The following MTSS1 variants were observed in gnomAD, a reference collection of about 807,000 sequenced individuals.
The protein encoded by MTSS1 is MTSS I-BAR domain containing 1, also known as protein MTSS 1.
Under a neutral mutation model 79.0 loss-of-function variants are expected in MTSS1, and 18 were observed. The ratio of observed to expected loss-of-function variants is 0.23; its 90% CI spans 0.16 to 0.34. The LOEUF (loss-of-function observed/expected upper bound fraction) is 0.34, where lower values mean the gene tolerates loss of function less well. Among genes scored for constraint, MTSS1 ranks in the 10% least tolerant of loss-of-function variants. The probability of loss-of-function intolerance (pLI) is 1.00; values close to 1 mark genes in which losing one functional copy is unlikely to be tolerated. For missense variants in MTSS1, 815 were observed against 986.2 expected (o/e 0.83, Z 2.33); for synonymous variants, 341 against 368.6 (o/e 0.93, Z 0.86).
chr8:124,613,693 A>G (rs1836305691), intron 3 of MTSS1, among the ~76,000 whole-genome samples: 1 of 152,220 alleles, frequency 6.6e-6, no homozygotes, highest in Non-Finnish European at 1.5e-5. Flanking sequence ...ATTTCCATAG[A>G]CAATGAGTCA....
chr8:124,726,747 C>G (rs1414539071), intron 1 of MTSS1, among the ~76,000 whole-genome samples: 1 of 152,176 alleles, frequency 6.6e-6, no homozygotes, highest in Non-Finnish European at 1.5e-5. Context: ...AGGGGCTGTC[C>G]ACACCCACTC....
At chr8:124,602,188 C>CATATAT in intron 3 of MTSS1, among the ~76,000 whole-genome samples, 3 of 116,792 alleles carry the variant, frequency 2.6e-5, no homozygotes, top group African/African-American at 8.6e-5. Context: ...CATATATATA[C>CATATAT]ATATATATAT....
At position 124,567,714 on chromosome 8, in the gene MTSS1, G is replaced by A. The variant is rs370797230; in HGVS notation, c.619-536C>T. On this transcript the variant is annotated intron_variant, in intron 7 of 13. Coordinates refer to ENST00000518547, the MANE Select transcript of MTSS1 (RefSeq NM_014751.6). The stretch of plus-strand genomic sequence containing the variant: ...GAAGAAACATCCCATGTGCTTTATC[G>A]AAGTGCCAAGTTGGGACCACGGGCC... The A allele has an allele frequency of 1.1e-3, 1,625 of 1,502,830 alleles. 12 individuals carry two copies. The African/African-American group carries it at 0.016, about 15-fold the overall frequency. The allele number at this position is 1,502,830 out of a possible 1,614,324, so 93.1% of individuals were successfully genotyped here.
chr8:124,635,827 T>A (rs930111682), intron 3 of MTSS1, among the ~76,000 whole-genome samples: 7 of 152,062 alleles, frequency 4.6e-5, no homozygotes, highest in Non-Finnish European at 8.8e-5. Context: ...TTTTATTGGA[T>A]TGCTCTCATG....
chr8:124,628,222 G>A (rs1287614782), intron 3 of MTSS1, among the ~76,000 whole-genome samples: 2 of 152,158 alleles, frequency 1.3e-5, no homozygotes, highest in African/African-American at 4.8e-5. Context: ...GAGCAGGTCA[G>A]TAATACAAAC....
intron 3 of MTSS1, among the ~76,000 whole-genome samples, chr8:124,678,544 G>A (rs1349589635): frequency 1.3e-5 from 2 of 152,198 alleles, no homozygotes; most frequent in African/African-American, 4.8e-5. Context: ...AGGCAAAAGA[G>A]CGTGTACAGA....
chr8:124,590,785 G>C (rs1831724439), intron 4 of MTSS1, among the ~76,000 whole-genome samples: 1 of 152,200 alleles, frequency 6.6e-6, no homozygotes, highest in African/African-American at 2.4e-5. Context: ...ATGCACACAG[G>C]ATACCAAGGC....
At position 124,552,593 on chromosome 8, in the gene MTSS1, TGTG is replaced by T. The variant is rs1411002900; in HGVS notation, c.*396_*398del. On this transcript the variant is annotated 3_prime_UTR_variant, in exon 14 of 14. Coordinates refer to ENST00000518547, the MANE Select transcript of MTSS1 (RefSeq NM_014751.6). ...CTACTACAATGCATCTACAAAAGCTTGTGGGGAAAAAAAAAGAAGAGTGAAGTA... is the reference window on the plus strand; with the variant it reads ...CTACTACAATGCATCTACAAAAGCTTGGGAAAAAAAAAGAAGAGTGAAGTA... 7 of 188,298 alleles carry T rather than the reference TGTG, an allele frequency of 3.7e-5. No individual in the cohort carries two copies. Among genetic ancestry groups the T allele is most frequent in the Non-Finnish European group, 5.6e-5 (5 of 89,280 alleles). The allele number at this position is 188,298 out of a possible 1,614,324, so 11.7% of individuals were successfully genotyped here. A position where few individuals can be genotyped will look rare whatever the true frequency, so the allele number is the denominator to read the frequency against.
chr8:124,668,615 C>A (rs774595641), intron 3 of MTSS1, among the ~76,000 whole-genome samples: 2 of 152,102 alleles, frequency 1.3e-5, no homozygotes, highest in Non-Finnish European at 2.9e-5. Flanking sequence ...ATGCCAGACT[C>A]GGCTATTAGG....
At chr8:124,592,539 C>A (rs1832044151) in intron 3 of MTSS1, among the ~76,000 whole-genome samples, 1 of 152,200 alleles carries the variant, frequency 6.6e-6, no homozygotes, top group Non-Finnish European at 1.5e-5. Flanking sequence ...GTTGGATTTT[C>A]CTGTGCCCTC....
chr8:124,712,570 T>C (rs546757985), intron 1 of MTSS1, among the ~76,000 whole-genome samples: 1 of 152,322 alleles, frequency 6.6e-6, no homozygotes, highest in African/African-American at 2.4e-5. Flanking sequence ...TCCTGCAAGA[T>C]GAAGGGCTCC....
intron 6 of MTSS1, among the ~76,000 whole-genome samples, chr8:124,584,277 G>A (rs1830492470): frequency 6.6e-6 from 1 of 152,192 alleles, no homozygotes; most frequent in South Asian, 2.1e-4. Context: ...CACCCACAGA[G>A]CAGCCTGACG....
chr8:124,724,547 C>T (rs1326861397), intron 1 of MTSS1, among the ~76,000 whole-genome samples: 1 of 152,174 alleles, frequency 6.6e-6, no homozygotes, highest in Admixed American at 6.5e-5. Flanking sequence ...GATTCTTGAG[C>T]AACAAGGGTG....
In MTSS1 at chr8:124,602,188, C is replaced by CATATATATATATATAT; in HGVS notation, c.209-10969_209-10954dup. Among the ~76,000 whole-genome samples, 135 of 116,778 alleles carry CATATATATATATATAT rather than the reference C, an allele frequency of 1.2e-3. 2 individuals are homozygous for CATATATATATATATAT. Among genetic ancestry groups the CATATATATATATATAT allele is most frequent in the African/African-American group, 5.6e-3 (130 of 23,344 alleles). The allele number at this position is 116,778 out of a possible 152,430, so 76.6% of individuals were successfully genotyped here. On this transcript the variant is annotated intron_variant, in intron 3 of 13. Coordinates refer to ENST00000518547, the MANE Select transcript of MTSS1 (RefSeq NM_014751.6). ...ATCACAAATAAATCTCATATATATA[C>CATATATATATATATAT]ATATATATATATATATATAATTTTT...
chr8:124,704,275 G>T, intron 1 of MTSS1, 84 bp from the exon 2 acceptor site: 1 of 1,172,960 alleles, frequency 8.5e-7, no homozygotes, highest in Non-Finnish European at 1.3e-6. Context: ...TTCCAATCAT[G>T]CAGGGAACAA....
chr8:124,569,373 G>T (rs745957074), intron 6 of MTSS1, among the ~76,000 whole-genome samples: 2 of 152,174 alleles, frequency 1.3e-5, no homozygotes, highest in Non-Finnish European at 2.9e-5. Context: ...TTACCATATT[G>T]CCTGTACCAG....
At chr8:124,651,559 T>A (rs528449080) in intron 3 of MTSS1, among the ~76,000 whole-genome samples, 9 of 152,228 alleles carry the variant, frequency 5.9e-5, no homozygotes, top group African/African-American at 2.2e-4. Flanking sequence ...TGGGGACAAT[T>A]CCTGACTGCA....
chr8:124,715,551 A>C (rs1831813816), intron 1 of MTSS1, among the ~76,000 whole-genome samples: 1 of 152,112 alleles, frequency 6.6e-6, no homozygotes, highest in South Asian at 2.1e-4. Flanking sequence ...TCCCCTTTGG[A>C]ACGGAGACAG....
At chr8:124,596,053 G>A (rs1211664558) in intron 3 of MTSS1, among the ~76,000 whole-genome samples, 1 of 152,196 alleles carries the variant, frequency 6.6e-6, no homozygotes, top group Non-Finnish European at 1.5e-5. Flanking sequence ...ATGGCCATGG[G>A]GACACCTGCC....
Sources: allele counts gnomAD v4.1 joint callset (sites outside exome capture counted in the v4.1 genomes callset), GRCh38; gene constraint gnomAD v4.1.1; transcripts MANE v1.5; gene names NCBI Gene and HGNC (gene_info 2026-07-23, HGNC 2026-07-21).